DHRSX: variants seen among roughly 807,000 people sequenced by gnomAD.
DHRSX encodes dehydrogenase/reductase X-linked, also known as polyprenol dehydrogenase.
Under a neutral mutation model 34.0 loss-of-function variants are expected in DHRSX, and 31 were observed. The observed-to-expected ratio is 0.91, with a 90% CI of 0.69 to 1.23. DHRSX has a LOEUF of 1.23. Among genes scored for constraint, DHRSX ranks in the 50% most tolerant of loss-of-function variants. DHRSX has a pLI of 0.00. For missense variants in DHRSX, 414 were observed against 428.1 expected, an observed-to-expected ratio of 0.97 and a Z score of 0.29; for synonymous variants, 201 against 183.8, an observed-to-expected ratio of 1.09 and a Z score of -0.76.
rs1556524859 is a variant in DHRSX at position 2,462,199 on chromosome X, A to AG, written c.110-36896dup. 2.4e-3 allele frequency among the ~76,000 whole-genome samples: 364 copies of AG among 150,270 alleles called. 5 individuals are homozygous for AG. The highest frequency in any genetic ancestry group is 8.2e-3 in the African/African-American group (337 of 40,874). ...ATTAGTGCCTCAAAAAAAAAAAAAA[A>AG]GAAAAAAGTAGCAAGAAAAAAAAAG... On this transcript the variant is annotated intron_variant, in intron 1 of 6. Transcript: ENST00000334651.
intron 1 of DHRSX, among the ~76,000 whole-genome samples, chrX:2,456,167 C>G (rs2044293397): frequency 6.6e-6 from 1 of 152,130 alleles, no homozygotes; most frequent in Admixed American, 6.6e-5. Flanking sequence ...AGAGACACGA[C>G]TGTAACAGGG....
At chrX:2,354,795 C>T (rs1295069657) in intron 3 of DHRSX, among the ~76,000 whole-genome samples, 2 of 152,050 alleles carry the variant, frequency 1.3e-5, no homozygotes, top group Non-Finnish European at 2.9e-5. Context: ...AAGAACTGAA[C>T]GGATAAAACA....
At chrX:2,225,386 GCA>G (rs1377957889) in intron 6 of DHRSX, among the ~76,000 whole-genome samples, 4 of 151,958 alleles carry the variant, frequency 2.6e-5, no homozygotes, top group Non-Finnish European at 5.9e-5. Flanking sequence ...TCATTCACAT[GCA>G]CACATGCTCA....
intron 3 of DHRSX, among the ~76,000 whole-genome samples, chrX:2,313,358 TTA>T (rs2124520435): frequency 6.6e-6 from 1 of 150,722 alleles, no homozygotes; most frequent in African/African-American, 2.4e-5. Context: ...ATGTATTGAT[TTA>T]TGATTTTTTT....
chrX:2,332,694 T>C (rs2042495374), intron 3 of DHRSX, among the ~76,000 whole-genome samples: 1 of 152,188 alleles, frequency 6.6e-6, no homozygotes, highest in South Asian at 2.1e-4. Flanking sequence ...ATAAGATCTT[T>C]GCATTTTAAC....
At chrX:2,314,145 T>C (rs2042196965) in intron 3 of DHRSX, among the ~76,000 whole-genome samples, 2 of 127,910 alleles carry the variant, frequency 1.6e-5, no homozygotes, top group African/African-American at 6.0e-5. Flanking sequence ...GTCCCAGATC[T>C]GGGAAGGAAC....
At chrX:2,411,266 G>C (rs969652600) in intron 2 of DHRSX, among the ~76,000 whole-genome samples, 1 of 152,038 alleles carries the variant, frequency 6.6e-6, no homozygotes, top group Non-Finnish European at 1.5e-5. Context: ...GGGTGCGGCC[G>C]GGTGCGGTGG....
chrX:2,456,588 T>TG, intron 1 of DHRSX, among the ~76,000 whole-genome samples: 1 of 120,758 alleles, frequency 8.3e-6, no homozygotes. Flanking sequence ...CACTCCAGCC[T>TG]GGGGGACACA....
intron 3 of DHRSX, among the ~76,000 whole-genome samples, chrX:2,294,766 AAGAGAG>A (rs779339446): frequency 3.4e-5 from 5 of 149,200 alleles, no homozygotes; most frequent in East Asian, 2.0e-4. Flanking sequence ...GAGACAGAGA[AAGAGAG>A]AGAGAGAGAG....
chrX:2,464,646 G>A (rs1044554927), intron 1 of DHRSX, among the ~76,000 whole-genome samples: 5 of 151,886 alleles, frequency 3.3e-5, no homozygotes, highest in African/African-American at 4.8e-5. Flanking sequence ...TGTGGCTAAG[G>A]GAAGGCAGCC....
intron 2 of DHRSX, among the ~76,000 whole-genome samples, chrX:2,423,628 G>C (rs1204132719): frequency 6.6e-6 from 1 of 152,006 alleles, no homozygotes; most frequent in African/African-American, 2.4e-5. Context: ...TGTCAAGAGT[G>C]GGCATAATAC....
At chrX:2,438,053 TG>T (rs1414420046) in intron 1 of DHRSX, among the ~76,000 whole-genome samples, 1 of 150,196 alleles carries the variant, frequency 6.7e-6, no homozygotes, top group Admixed American at 6.6e-5. Context: ...GGCTCATGCC[TG>T]TAATCCCAGC....
chrX:2,274,557 C>CTT (rs2041598751), intron 4 of DHRSX, among the ~76,000 whole-genome samples: 1 of 151,128 alleles, frequency 6.6e-6, no homozygotes, highest in Non-Finnish European at 1.5e-5. Context: ...GCTGGGATTA[C>CTT]AGGTGTGCAC....
At chrX:2,313,987 G>A (rs1301289066) in intron 3 of DHRSX, among the ~76,000 whole-genome samples, 1 of 151,872 alleles carries the variant, frequency 6.6e-6, no homozygotes, top group Non-Finnish European at 1.5e-5. Context: ...GGAATCAACA[G>A]AAAGGAAATG....
At chrX:2,446,930 C>T (rs1221101436) in intron 1 of DHRSX, among the ~76,000 whole-genome samples, 4 of 152,114 alleles carry the variant, frequency 2.6e-5, no homozygotes, top group Admixed American at 2.0e-4. Context: ...GGGCCGCCGC[C>T]ATGTACGCAC....
intron 6 of DHRSX, among the ~76,000 whole-genome samples, chrX:2,226,711 C>T (rs1382924825): frequency 1.3e-5 from 2 of 151,198 alleles, no homozygotes; most frequent in Non-Finnish European, 2.9e-5. Flanking sequence ...AGGAGAATGG[C>T]GTGAACCCGG....
At chrX:2,417,484 A>G (rs968285955) in intron 2 of DHRSX, among the ~76,000 whole-genome samples, 18 of 152,052 alleles carry the variant, frequency 1.2e-4, no homozygotes, top group African/African-American at 3.6e-4. Flanking sequence ...GACCTAATCC[A>G]ACTAGACCTT....
intron 5 of DHRSX, among the ~76,000 whole-genome samples, chrX:2,262,197 G>C (rs2041372479): frequency 6.6e-6 from 1 of 152,206 alleles, no homozygotes; most frequent in Non-Finnish European, 1.5e-5. Flanking sequence ...CTTCAGCATG[G>C]AGCCCGAGGC....
At chrX:2,491,232 G>A (rs1168631081) in intron 1 of DHRSX, among the ~76,000 whole-genome samples, 3 of 152,052 alleles carry the variant, frequency 2.0e-5, no homozygotes, top group Non-Finnish European at 4.4e-5. Context: ...ATCACGCCTG[G>A]CTAATTTTTG....
Sources: gnomAD v4.1 joint callset for allele counts (sites outside exome capture counted in the v4.1 genomes callset) on GRCh38, gnomAD v4.1.1 for gene constraint, MANE v1.5 for transcripts, NCBI Gene and HGNC (gene_info 2026-07-23, HGNC 2026-07-21) for gene names.